Variants in SIPA1L1 observed in about 807,000 individuals in gnomAD.
SIPA1L1 encodes the protein signal-induced proliferation-associated 1-like protein 1.
Under a neutral mutation model 162.7 loss-of-function variants are expected in SIPA1L1, and 26 were observed. The ratio of observed to expected loss-of-function variants is 0.16; its 90% confidence interval spans 0.12 to 0.22. SIPA1L1 has a LOEUF of 0.22. SIPA1L1 is among the 10% of genes least tolerant of loss of function. SIPA1L1 has a pLI of 1.00. For missense variants in SIPA1L1, 1,874 were observed against 2,241.0 expected, an observed-to-expected ratio of 0.84 and a Z score of 3.31; for synonymous variants, 829 against 837.4, an observed-to-expected ratio of 0.99 and a Z score of 0.17.
Position 71,356,727 on chromosome 14 carries a change from G to T in SIPA1L1, c.-465+35546G>T, listed in dbSNP as rs189188806. On this transcript the variant is annotated intron_variant, in intron 2 of 23. Transcript: ENST00000381232. ...TGAGACCATGTCTCTACAAAATACAGCAACAACAAATACTATTTCACTGAG... is the reference window on the plus strand; with the variant it reads ...TGAGACCATGTCTCTACAAAATACATCAACAACAAATACTATTTCACTGAG... Among the ~76,000 whole-genome samples the T allele has an allele frequency of 8.6e-5, 13 of 151,988 alleles. No individual in the cohort carries two copies. In the East Asian group the frequency reaches 2.5e-3, roughly 29 times the overall value.
chr14:71,714,230 C>T (rs534740100), intron 17 of SIPA1L1, among the ~76,000 whole-genome samples: 7 of 152,298 alleles, frequency 4.6e-5, no homozygotes, highest in Admixed American at 3.9e-4. Flanking sequence ...TTATCCAGAA[C>T]CAGTTACTTT....
Position 71,453,980 on chromosome 14 carries a change from C to T in SIPA1L1, c.-464-58763C>T, listed in dbSNP as rs550750719. On this transcript the variant is annotated intron_variant, in intron 2 of 23. Coordinates refer to ENST00000381232, the MANE Select transcript of SIPA1L1 (RefSeq NM_001386936.1). ...CTGCACTCCCCTCCAGCCTGGGTGA[C>T]AGGGCGAGATTGTTTCAAAAAAAAA... Among the ~76,000 whole-genome samples, 13 of 107,038 alleles carry T rather than the reference C, an allele frequency of 1.2e-4. No homozygotes were observed. The South Asian group carries it at 4.2e-3, about 35-fold the overall frequency. 70.2% of individuals were successfully genotyped at this position (107,038 alleles called of 152,430 possible).
At chr14:71,697,989 A>G (rs182980103) in intron 13 of SIPA1L1, among the ~76,000 whole-genome samples, 1 of 152,122 alleles carries the variant, frequency 6.6e-6, no homozygotes, top group Non-Finnish European at 1.5e-5. Flanking sequence ...GTAGTTTAGC[A>G]TGGAGTGCAG....
chr14:71,384,092 G>A (rs1346682399), intron 2 of SIPA1L1, among the ~76,000 whole-genome samples: 1 of 152,092 alleles, frequency 6.6e-6, no homozygotes, highest in East Asian at 1.9e-4. Context: ...TTCTCAGCCA[G>A]ACTGCGAATT....
chr14:71,397,051 G>A (rs2041263323), intron 2 of SIPA1L1, among the ~76,000 whole-genome samples: 1 of 152,152 alleles, frequency 6.6e-6, no homozygotes, highest in Non-Finnish European at 1.5e-5. Context: ...GCCTCTGTGT[G>A]GCTAATGGAT....
intron 4 of SIPA1L1, among the ~76,000 whole-genome samples, chr14:71,542,695 T>TCTC (rs201972629): frequency 1.3e-5 from 1 of 76,826 alleles, no homozygotes; most frequent in Non-Finnish European, 2.6e-5. Context: ...CCTTCTCCCT[T>TCTC]CTCCTCCTCC....
intron 2 of SIPA1L1, among the ~76,000 whole-genome samples, chr14:71,335,942 A>G (rs115716763): frequency 0.012 from 1,832 of 152,264 alleles, 33 homozygotes; most frequent in African/African-American, 0.041. Flanking sequence ...TTAAGTACAT[A>G]TTAGAAAATT....
At chr14:71,661,647 T>G (rs2043524902) in intron 10 of SIPA1L1, among the ~76,000 whole-genome samples, 180 bp downstream of exon 10, 1 of 152,226 alleles carries the variant, frequency 6.6e-6, no homozygotes. Context: ...GCATTGACAT[T>G]ACCCAAGCAT....
chr14:71,573,638 T>C (rs549367385), intron 4 of SIPA1L1: 4 of 456,732 alleles, frequency 8.8e-6, no homozygotes, highest in South Asian at 6.2e-5. Context: ...TTTCAACAAC[T>C]ATGCATTTCC....
intron 2 of SIPA1L1, among the ~76,000 whole-genome samples, chr14:71,347,669 A>AT: frequency 6.6e-6 from 1 of 152,158 alleles, no homozygotes; most frequent in Non-Finnish European, 1.5e-5. Context: ...CTTTGCCAAC[A>AT]CTTGTTACTG....
intron 8 of SIPA1L1, among the ~76,000 whole-genome samples, chr14:71,655,826 T>C (rs1215348020): frequency 1.3e-5 from 2 of 152,176 alleles, no homozygotes; most frequent in African/African-American, 2.4e-5. Context: ...GTTTGTTTTT[T>C]TCTTGTTGAT....
At chr14:71,611,857 T>A (rs1281028721) in intron 5 of SIPA1L1, among the ~76,000 whole-genome samples, 1 of 152,186 alleles carries the variant, frequency 6.6e-6, no homozygotes, top group Admixed American at 6.5e-5. Context: ...ACTGCTGCAA[T>A]AAACATATGT....
At chr14:71,509,149 G>C (rs1405178547) in intron 2 of SIPA1L1, among the ~76,000 whole-genome samples, 1 of 152,114 alleles carries the variant, frequency 6.6e-6, no homozygotes, top group Non-Finnish European at 1.5e-5. Flanking sequence ...GTTTGTCCTC[G>C]TGCTGTTTCC....
chr14:71,650,978 A>G (rs1028393600), intron 8 of SIPA1L1, among the ~76,000 whole-genome samples: 2 of 151,896 alleles, frequency 1.3e-5, no homozygotes, highest in Non-Finnish European at 2.9e-5. Context: ...TGTTTCTATT[A>G]TTATTATTCA....
intron 2 of SIPA1L1, among the ~76,000 whole-genome samples, chr14:71,462,457 G>A (rs1473281040): frequency 6.6e-6 from 1 of 152,154 alleles, no homozygotes; most frequent in African/African-American, 2.4e-5. Flanking sequence ...TGATAAATGG[G>A]CCAGAGTAAC....
At chr14:71,738,428 T>G in intron 23 of SIPA1L1, 103 bp downstream of exon 23, 1 of 711,440 alleles carries the variant, frequency 1.4e-6, no homozygotes, top group South Asian at 1.9e-5. Flanking sequence ...GTGGGTGTCT[T>G]CCCGGTGCCT....
At chr14:71,498,045 G>T (rs1337435837) in intron 2 of SIPA1L1, among the ~76,000 whole-genome samples, 1 of 152,170 alleles carries the variant, frequency 6.6e-6, no homozygotes, top group Non-Finnish European at 1.5e-5. Flanking sequence ...AGGTGTGAGT[G>T]GGATCTTCTT....
intron 2 of SIPA1L1, among the ~76,000 whole-genome samples, chr14:71,325,711 T>C (rs1270053922): frequency 6.6e-6 from 1 of 152,194 alleles, no homozygotes; most frequent in Non-Finnish European, 1.5e-5. Flanking sequence ...AGTGCATTGG[T>C]GGGTGTGCCA....
At chr14:71,657,689 T>A (rs75630929) in intron 8 of SIPA1L1, among the ~76,000 whole-genome samples, 1 of 147,158 alleles carries the variant, frequency 6.8e-6, no homozygotes, top group Non-Finnish European at 1.5e-5. Flanking sequence ...TTTTTTTTTT[T>A]AAGAACAAAA....
Sources: allele counts gnomAD v4.1 joint callset (sites outside exome capture counted in the v4.1 genomes callset), GRCh38; gene constraint gnomAD v4.1.1; transcripts MANE v1.5; gene names NCBI Gene and HGNC (gene_info 2026-07-23, HGNC 2026-07-21).